The following STK10 variants were observed in gnomAD, a reference collection of about 807,000 sequenced individuals.
STK10 encodes the protein serine/threonine-protein kinase 10.
Under a neutral mutation model 113.8 loss-of-function variants are expected in STK10, and 78 were observed. The ratio of observed to expected loss-of-function variants is 0.69; its 90% CI spans 0.57 to 0.83. The LOEUF is 0.83. Ranked by LOEUF, STK10 falls within the 40% of genes least tolerant of loss-of-function variation. The probability of loss-of-function intolerance (pLI) is 0.00; values close to 1 mark genes in which losing one functional copy is unlikely to be tolerated. For missense variants in STK10, 1,109 were observed against 1,280.1 expected (o/e 0.87, Z 2.04); for synonymous variants, 465 against 494.7 (o/e 0.94, Z 0.80).
At chr5:172,047,798 T>C (rs963634880) in intron 18 of STK10, among the ~76,000 whole-genome samples, 6 of 152,178 alleles carry the variant, frequency 3.9e-5, no homozygotes, top group African/African-American at 1.4e-4. Flanking sequence ...GGAATGAGTA[T>C]GTCCTTGGCC....
rs976708891 is a variant in STK10, at chr5:172,107,665, G to A, written c.593+115C>T. On this transcript the variant is annotated intron_variant, in intron 5 of 18. Transcript: ENST00000176763. ...CAAGGTCACACAGCTAGTAAGCCAC[G>A]AGGCAGGGCGTGTAGCCCTTGTCTT... is the stretch of plus-strand genomic sequence containing the variant. 25 of 592,560 alleles carry A rather than the reference G, an allele frequency of 4.2e-5. No homozygotes were observed. The African/African-American group carries it at 6.2e-4, about 15-fold the overall frequency. 36.7% of individuals were successfully genotyped at this position (592,560 alleles called of 1,614,324 possible). A position where few individuals can be genotyped will look rare whatever the true frequency, so the allele number is the denominator to read the frequency against.
chr5:172,114,474 T>TATATATATATATATATATA (rs55784262), intron 4 of STK10: 37 of 25,740 alleles, frequency 1.4e-3, no homozygotes, highest in African/African-American at 2.9e-3. Context: ...TATATATATA[T>TATATATATATATATATATA]TTTTTTTTTT....
intron 12 of STK10, among the ~76,000 whole-genome samples, chr5:172,077,747 T>A (rs752622445): frequency 7.0e-6 from 1 of 141,890 alleles, no homozygotes; most frequent in Non-Finnish European, 1.5e-5. Flanking sequence ...TCAAATCTTA[T>A]TGGTTTTTTT....
chr5:172,150,322 A>T lies in STK10; in HGVS notation c.321+6302T>A, dbSNP rs908426360. On this transcript the variant is annotated intron_variant, in intron 2 of 18. Transcript: ENST00000176763. Reference sequence around the variant, plus strand: ...ATGGCGAAACCCCGTCTCTACTAAAAATACAAAAATTAGCCGGGTGTGGTG... The same window carrying T: ...ATGGCGAAACCCCGTCTCTACTAAATATACAAAAATTAGCCGGGTGTGGTG... 2.6e-5 allele frequency among the ~76,000 whole-genome samples: 4 copies of T among 151,270 alleles called. No individual in the cohort carries two copies. In the East Asian group the frequency reaches 7.8e-4, roughly 30 times the overall value.
chr5:172,082,815 G>A lies in STK10; in HGVS notation c.1809+146C>T. ...CGGGGTTCTGTGTTAACAAGTCACTGCCTAACAAGATCGGGAAGCCCCCAG... is the reference window on the plus strand; with the variant it reads ...CGGGGTTCTGTGTTAACAAGTCACTACCTAACAAGATCGGGAAGCCCCCAG... On this transcript the variant is annotated intron_variant, in intron 11 of 18. Coordinates refer to ENST00000176763, the MANE Select transcript of STK10 (RefSeq NM_005990.4). The surrounding 1 kb of genome is among the most constrained non-coding windows in gnomAD (Gnocchi z 4.3). The A allele has an allele frequency of 7.6e-7, 1 of 1,310,176 alleles. No homozygotes were observed. The highest frequency in any genetic ancestry group is 1.0e-6 in the Non-Finnish European group (1 of 961,414). The allele number at this position is 1,310,176 out of a possible 1,614,324, so 81.2% of individuals were successfully genotyped here. A position where few individuals can be genotyped will look rare whatever the true frequency, so the allele number is the denominator to read the frequency against.
At position 172,106,640 on chromosome 5, in the gene STK10, C is replaced by T. The variant is rs753040953; in HGVS notation, c.768G>A (p.Thr256=). The T allele has an allele frequency of 1.9e-6, 3 of 1,612,700 alleles. 1 individual carries two copies. The highest frequency in any genetic ancestry group is 2.2e-5 in the South Asian group (2 of 91,004). ...CTCACCACTTAGAGGGCGTGAGCAG[C>T]GTGGGAGGGTCCGACTTGGCGATCT... is the stretch of plus-strand genomic sequence containing the variant. The part of the protein sequence containing the change: ...LLKIAKSDPP[T]LLTPSKWSVE... The change falls in exon 6 of 19, where the codon ACG becomes ACA. Residue 256 remains threonine (T), a synonymous_variant. Coordinates refer to ENST00000176763, the MANE Select transcript of STK10 (RefSeq NM_005990.4).
Position 172,082,393 on chromosome 5 carries a change from C to A in STK10, c.1922G>T (p.Arg641Leu), listed in dbSNP as rs778072516. 6.2e-7 allele frequency: 1 copy of A among 1,608,922 alleles called. No individual in the cohort carries two copies. Reference protein sequence around the residue: ...HAVRRREEARRIRLEQDRDYT... With the variant: ...HAVRRREEARLIRLEQDRDYT... Reference sequence around the variant, plus strand: ...GTCCCGATCCTGCTCCAGGCGGATCCGCCTGGCCTCCTCCCGGCGGCGCAC... The same window carrying A: ...GTCCCGATCCTGCTCCAGGCGGATCAGCCTGGCCTCCTCCCGGCGGCGCAC... The change falls in exon 12 of 19, where the codon CGG becomes CTG. Residue 641 changes from arginine to leucine, a missense_variant. Around this residue, in one of 5 missense-constraint regions of STK10, gnomAD observed 885 missense variants for 991.1 expected, o/e 0.89. Coordinates refer to ENST00000176763, the MANE Select transcript of STK10 (RefSeq NM_005990.4). The surrounding 1 kb of genome is among the most constrained non-coding windows in gnomAD (Gnocchi z 4.3).
chr5:172,160,703 T>C (rs938288207), intron 1 of STK10, among the ~76,000 whole-genome samples: 3 of 152,196 alleles, frequency 2.0e-5, no homozygotes, highest in Non-Finnish European at 2.9e-5. Flanking sequence ...AAGTTATTCC[T>C]GCACATCTAG....
intron 1 of STK10, among the ~76,000 whole-genome samples, chr5:172,172,911 C>T (rs572209725): frequency 7.2e-5 from 11 of 151,876 alleles, no homozygotes; most frequent in South Asian, 2.1e-4. Flanking sequence ...ACCCAGGAAG[C>T]GGAGGTTGCA....
rs185148515 is a variant in STK10 at position 172,156,890 on chromosome 5, G to T, written c.157-102C>A. 8.1e-5 allele frequency: 109 copies of T among 1,339,892 alleles called. No individual in the cohort carries two copies. The African/African-American group carries it at 1.5e-3, about 18-fold the overall frequency. The allele number at this position is 1,339,892 out of a possible 1,614,324, so 83.0% of individuals were successfully genotyped here. A position where few individuals can be genotyped will look rare whatever the true frequency, so the allele number is the denominator to read the frequency against. On this transcript the variant is annotated intron_variant, in intron 1 of 18. Transcript: ENST00000176763. The stretch of plus-strand genomic sequence containing the variant: ...TGCATGAGTGTGAAAACAGAGGCCG[G>T]ATGTCCAGATGCTGAACCGGAACGT...
intron 12 of STK10, among the ~76,000 whole-genome samples, chr5:172,065,597 G>T (rs1191197990): frequency 6.6e-6 from 1 of 152,096 alleles, no homozygotes; most frequent in Non-Finnish European, 1.5e-5. Flanking sequence ...ACCCCCGCTG[G>T]CCCTGGGCTG....
At chr5:172,095,256 T>C (rs2113749719) in intron 8 of STK10, among the ~76,000 whole-genome samples, 1 of 152,194 alleles carries the variant, frequency 6.6e-6, no homozygotes, top group East Asian at 1.9e-4. Context: ...ACACCCAGAG[T>C]GATGGCTCAA....
chr5:172,173,705 T>A (rs1174751002), intron 1 of STK10, among the ~76,000 whole-genome samples: 1 of 152,124 alleles, frequency 6.6e-6, no homozygotes, highest in Non-Finnish European at 1.5e-5. Context: ...AGAAGCACCC[T>A]GCAGTGTAAC....
At chr5:172,104,361 C>T (rs1339744176) in intron 7 of STK10, among the ~76,000 whole-genome samples, 1 of 152,232 alleles carries the variant, frequency 6.6e-6, no homozygotes, top group African/African-American at 2.4e-5. Context: ...ACACCGACCT[C>T]ACCCAGCCTC....
intron 3 of STK10, among the ~76,000 whole-genome samples, chr5:172,119,657 G>T (rs948913047): frequency 2.0e-5 from 3 of 151,878 alleles, no homozygotes; most frequent in South Asian, 4.2e-4. Context: ...GAGGTCAGGA[G>T]ATCGAGACCA....
chr5:172,179,791 AC>A (rs769261441), intron 1 of STK10, among the ~76,000 whole-genome samples: 11 of 152,198 alleles, frequency 7.2e-5, no homozygotes, highest in Non-Finnish European at 1.2e-4. Flanking sequence ...GAGGACTGAG[AC>A]CTTCCCCATC....
chr5:172,184,138 G>A (rs932851986), intron 1 of STK10, among the ~76,000 whole-genome samples: 11 of 152,140 alleles, frequency 7.2e-5, no homozygotes, highest in Non-Finnish European at 1.6e-4. Flanking sequence ...CTCAGGTGCC[G>A]TGTCAAAATG....
At chr5:172,182,960 A>C (rs1220337362) in intron 1 of STK10, among the ~76,000 whole-genome samples, 1 of 152,160 alleles carries the variant, frequency 6.6e-6, no homozygotes, top group Non-Finnish European at 1.5e-5. Context: ...TAATCCCAGC[A>C]CTTTGGATGG....
In STK10 at chr5:172,057,377, C is replaced by T. The variant is rs766953268; in HGVS notation, c.2309G>A (p.Arg770Gln). The T allele has an allele frequency of 1.5e-5, 23 of 1,566,944 alleles. No homozygotes were observed. The highest frequency in any genetic ancestry group is 1.4e-5 in the African/African-American group (1 of 73,772). ...CTCATGCTTGCGCAGCAGCTCGTGC[C>T]GCTGGAGGAAGTACTGGTCTTTGAG... is the stretch of plus-strand genomic sequence containing the variant. ...QQLKDQYFLQ[R>Q]HELLRKHEKE... Residue 770 changes from arginine (R) to glutamine (Q), a missense_variant, in exon 15 of 19, where the codon CGG (arginine) becomes CAG (glutamine). By Grantham distance (43) the Arg-to-Gln change is conservative (BLOSUM62 1). Transcript: ENST00000176763.
Sources: gnomAD v4.1 joint callset for allele counts (sites outside exome capture counted in the v4.1 genomes callset) on GRCh38, gnomAD v4.1.1 for gene constraint, gnomAD v4.1.1 regional missense constraint, Gnocchi (gnomAD v3.1) non-coding constraint, MANE v1.5 for transcripts, NCBI Gene and HGNC (gene_info 2026-07-23, HGNC 2026-07-21) for gene names.